Variants in PAPSS2 observed in about 807,000 individuals in gnomAD.
PAPSS2 encodes bifunctional 3'-phosphoadenosine 5'-phosphosulfate synthase 2.
In PAPSS2, 61 loss-of-function variants were observed where a neutral mutation model predicts 66.5. That is an observed-to-expected ratio of 0.92 (90% confidence interval 0.75 to 1.14). PAPSS2 has a LOEUF of 1.14. PAPSS2 is among the 50% of genes most tolerant of loss of function. PAPSS2 has a pLI of 0.00. For missense variants in PAPSS2, 708 were observed against 789.6 expected, an observed-to-expected ratio of 0.90 and a Z score of 1.24; for synonymous variants, 289 against 287.5, an observed-to-expected ratio of 1.01 and a Z score of -0.05.
intron 1 of PAPSS2, among the ~76,000 whole-genome samples, chr10:87,707,351 G>T (rs189996816): frequency 4.8e-4 from 73 of 152,242 alleles, no homozygotes; most frequent in Middle Eastern, 6.8e-3. Flanking sequence ...TCCTGGTCCC[G>T]AATCCAGCAG....
intron 9 of PAPSS2, among the ~76,000 whole-genome samples, chr10:87,740,470 T>C (rs1008501428): frequency 2.0e-5 from 3 of 152,200 alleles, no homozygotes; most frequent in Non-Finnish European, 4.4e-5. Context: ...AGTGAACTAA[T>C]AGTTTCTAAT....
intron 10 of PAPSS2, 130 bp from the exon 11 acceptor site, chr10:87,743,243 A>G (rs1853892185): frequency 2.3e-5 from 4 of 170,834 alleles, no homozygotes; most frequent in South Asian, 1.8e-4. Flanking sequence ...AGACTCTTTC[A>G]AAAAAAAAAA....
At chr10:87,696,813 A>C (rs7100379) in intron 1 of PAPSS2, among the ~76,000 whole-genome samples, 8,093 of 152,286 alleles carry the variant, frequency 0.053, 577 homozygotes, top group African/African-American at 0.17. Flanking sequence ...ATCTTACTAA[A>C]ATGCACTTTT....
intron 1 of PAPSS2, among the ~76,000 whole-genome samples, chr10:87,703,276 CGTGTGTGTGTGTGTGTGT>C (rs10673718): frequency 8.2e-5 from 12 of 145,476 alleles, no homozygotes; most frequent in African/African-American, 1.5e-4. Flanking sequence ...AACAACATTG[CGTGTGTGTGTGTGTGTGT>C]GTGTGTGTGT....
intron 1 of PAPSS2, among the ~76,000 whole-genome samples, chr10:87,696,667 TA>T (rs1335165777): frequency 6.6e-6 from 1 of 152,240 alleles, no homozygotes; most frequent in Non-Finnish European, 1.5e-5. Flanking sequence ...CAAGCAATTT[TA>T]ACCCTTAAAT....
At chr10:87,733,935 C>T (rs1564727115) in intron 9 of PAPSS2, among the ~76,000 whole-genome samples, 1 of 152,004 alleles carries the variant, frequency 6.6e-6, no homozygotes, top group African/African-American at 2.4e-5. Context: ...TTGCTTCTCT[C>T]TTCTCCCCTT....
At position 87,739,329 on chromosome 10, in the gene PAPSS2, A is replaced by G. The variant is rs182268710; in HGVS notation, c.1087-1906A>G. Among the ~76,000 whole-genome samples, 442 of 152,292 alleles carry G rather than the reference A, an allele frequency of 2.9e-3. 1 individual carries two copies. Among genetic ancestry groups the G allele is most frequent in the African/African-American group, 0.01 (416 of 41,568 alleles). On this transcript the variant is annotated intron_variant, in intron 9 of 12. Transcript: ENST00000456849. ...AGATTATTTTTAAAAATAGGGTTTT[A>G]GCTAATAGTCTATGTTTAGCCTTAG...
At chr10:87,689,043 C>T (rs1286488537) in intron 1 of PAPSS2, among the ~76,000 whole-genome samples, 1 of 151,826 alleles carries the variant, frequency 6.6e-6, no homozygotes, top group Non-Finnish European at 1.5e-5. Context: ...AATAAAGAAC[C>T]AGGGGTCAGG....
chr10:87,681,436 T>C (rs945134029), intron 1 of PAPSS2, among the ~76,000 whole-genome samples: 2 of 152,192 alleles, frequency 1.3e-5, no homozygotes, highest in African/African-American at 4.8e-5. Flanking sequence ...AAATTGTACA[T>C]TTTGGAACTA....
intron 1 of PAPSS2, among the ~76,000 whole-genome samples, chr10:87,697,883 AG>A (rs1398258425): frequency 6.6e-6 from 1 of 152,202 alleles, no homozygotes; most frequent in African/African-American, 2.4e-5. Context: ...GAGGACCAGA[AG>A]TATACAAGAC....
At chr10:87,686,017 A>T (rs995762900) in intron 1 of PAPSS2, among the ~76,000 whole-genome samples, 21 of 152,254 alleles carry the variant, frequency 1.4e-4, no homozygotes, top group African/African-American at 4.6e-4. Flanking sequence ...AGCAGGAAGG[A>T]GGTCTCCAGC....
intron 2 of PAPSS2, among the ~76,000 whole-genome samples, chr10:87,712,055 A>G (rs886361063): frequency 1.3e-4 from 20 of 151,984 alleles, no homozygotes; most frequent in African/African-American, 4.8e-4. Context: ...TCCTCCTCAT[A>G]TGGAAATTAC....
At chr10:87,715,534 A>G (rs543710543) in intron 6 of PAPSS2, among the ~76,000 whole-genome samples, 198 bp from the exon 7 acceptor site, 9 of 152,236 alleles carry the variant, frequency 5.9e-5, no homozygotes, top group Non-Finnish European at 1.0e-4. Flanking sequence ...TCTTTTCACC[A>G]CTATTTCATA....
chr10:87,695,889 C>CT (rs1353112424), intron 1 of PAPSS2, among the ~76,000 whole-genome samples: 4 of 152,168 alleles, frequency 2.6e-5, no homozygotes, highest in African/African-American at 9.7e-5. Context: ...TAAGGAGATG[C>CT]TTTTTAAAAA....
At chr10:87,707,705 G>T (rs1313174633) in intron 1 of PAPSS2, among the ~76,000 whole-genome samples, 1 of 151,494 alleles carries the variant, frequency 6.6e-6, no homozygotes, top group Non-Finnish European at 1.5e-5. Context: ...CAGTAGCTGG[G>T]ACTACAGGCA....
At chr10:87,686,595 G>A (rs1248759212) in intron 1 of PAPSS2, among the ~76,000 whole-genome samples, 2 of 152,156 alleles carry the variant, frequency 1.3e-5, no homozygotes, top group African/African-American at 2.4e-5. Flanking sequence ...AAATCTGAAT[G>A]TGCTTAGATC....
At chr10:87,670,723 C>T (rs1215996169) in intron 1 of PAPSS2, among the ~76,000 whole-genome samples, 1 of 152,130 alleles carries the variant, frequency 6.6e-6, no homozygotes, top group East Asian at 1.9e-4. Flanking sequence ...GAAGTTGAAT[C>T]ACAGAATTTG....
chr10:87,721,850 C>G (rs1469274033), intron 8 of PAPSS2, 80 bp downstream of exon 8: 18 of 849,018 alleles, frequency 2.1e-5, no homozygotes, highest in Non-Finnish European at 3.3e-5. Context: ...AAGAACATAA[C>G]TAAAAGAAAA....
chr10:87,715,578 A>G lies in PAPSS2; in HGVS notation c.754-154A>G, dbSNP rs576024324. 3.3e-4 allele frequency among the ~76,000 whole-genome samples: 51 copies of G among 152,350 alleles called. No individual in the cohort carries two copies. The East Asian group carries it at 9.6e-3, about 29-fold the overall frequency. On this transcript the variant is annotated intron_variant, in intron 6 of 12. Transcript: ENST00000456849. The stretch of plus-strand genomic sequence containing the variant: ...CCAAACTTAAATATTTCTGGCCCTT[A>G]GATCATGGGTTAGCATAACAGGTGG...
Sources: allele counts gnomAD v4.1 joint callset (sites outside exome capture counted in the v4.1 genomes callset), GRCh38; gene constraint gnomAD v4.1.1; transcripts MANE v1.5; gene names NCBI Gene and HGNC (gene_info 2026-07-23, HGNC 2026-07-21).